The following FAM184B variants were observed in gnomAD, a reference collection of about 807,000 sequenced individuals.
FAM184B encodes the protein protein FAM184B.
A neutral mutation model predicts 135.9 loss-of-function variants in FAM184B; 111 were observed. The ratio of observed to expected loss-of-function variants is 0.82; its 90% CI spans 0.70 to 0.96. The LOEUF is 0.96. Ranked by LOEUF, FAM184B falls within the 40% of genes least tolerant of loss-of-function variation. FAM184B has a pLI of 0.00. For missense variants in FAM184B, 1,375 were observed against 1,323.9 expected (o/e 1.04, Z -0.60); for synonymous variants, 552 against 524.8 (o/e 1.05, Z -0.71).
chr4:17,659,503 T>C (rs1325839490), intron 9 of FAM184B, among the ~76,000 whole-genome samples: 2 of 151,760 alleles, frequency 1.3e-5, no homozygotes, highest in Non-Finnish European at 2.9e-5. Flanking sequence ...TATTTTCTTT[T>C]TGAGACAGAG....
At chr4:17,752,024 G>A (rs2108988740) in intron 1 of FAM184B, among the ~76,000 whole-genome samples, 1 of 151,688 alleles carries the variant, frequency 6.6e-6, no homozygotes, top group East Asian at 1.9e-4. Context: ...CCTACTGAGT[G>A]GCCAGAATCC....
intron 7 of FAM184B, among the ~76,000 whole-genome samples, chr4:17,667,529 C>T (rs1003790243): frequency 6.6e-6 from 1 of 152,226 alleles, no homozygotes; most frequent in Non-Finnish European, 1.5e-5. Context: ...CTTGGGAATC[C>T]ACTGCCCACT....
chr4:17,666,469 C>CTTTTTTGTTTTTTT, intron 7 of FAM184B, among the ~76,000 whole-genome samples: 1 of 57,162 alleles, frequency 1.7e-5, no homozygotes, highest in Non-Finnish European at 2.9e-5. Flanking sequence ...GTGCCTGGTT[C>CTTTTTTGTTTTTTT]TTTTTTTTTT....
At chr4:17,670,989 T>A (rs950981168) in intron 7 of FAM184B, among the ~76,000 whole-genome samples, 1 of 152,178 alleles carries the variant, frequency 6.6e-6, no homozygotes, top group South Asian at 2.1e-4. Context: ...AGAGGAGTAA[T>A]GTCAGCAACA....
At chr4:17,655,426 C>A (rs1715759737) in intron 10 of FAM184B, among the ~76,000 whole-genome samples, 1 of 152,160 alleles carries the variant, frequency 6.6e-6, no homozygotes, top group African/African-American at 2.4e-5. Flanking sequence ...ACACAGGGTG[C>A]AGCACTCAGG....
chr4:17,665,056 C>T (rs1373013892), intron 7 of FAM184B, among the ~76,000 whole-genome samples: 2 of 152,188 alleles, frequency 1.3e-5, no homozygotes, highest in African/African-American at 2.4e-5. Flanking sequence ...TGGTTCCATG[C>T]ATAACCCTCA....
intron 7 of FAM184B, among the ~76,000 whole-genome samples, chr4:17,665,997 CT>C (rs1157138247): frequency 6.6e-6 from 1 of 152,064 alleles, no homozygotes; most frequent in Non-Finnish European, 1.5e-5. Flanking sequence ...GGTTTTACTC[CT>C]CCAAACAACA....
chr4:17,641,535 A>G (rs1184502822), intron 13 of FAM184B, among the ~76,000 whole-genome samples: 19 of 118,038 alleles, frequency 1.6e-4, no homozygotes, highest in Non-Finnish European at 2.7e-4. Flanking sequence ...CTGGAGTGCA[A>G]TGGCGCGATC....
At chr4:17,733,085 C>A (rs1360029497) in intron 1 of FAM184B, among the ~76,000 whole-genome samples, 1 of 152,042 alleles carries the variant, frequency 6.6e-6, no homozygotes, top group African/African-American at 2.4e-5. Flanking sequence ...AAGACAAAAA[C>A]CACATGATTA....
chr4:17,731,566 C>A (rs1214470764), intron 1 of FAM184B, among the ~76,000 whole-genome samples: 1 of 152,058 alleles, frequency 6.6e-6, no homozygotes, highest in East Asian at 1.9e-4. Context: ...CAACAAAGAT[C>A]AAAAGAGACA....
intron 1 of FAM184B, among the ~76,000 whole-genome samples, chr4:17,735,371 T>C (rs1717884101): frequency 6.6e-6 from 1 of 151,962 alleles, no homozygotes; most frequent in Non-Finnish European, 1.5e-5. Context: ...GAAAGTTCGA[T>C]TATAAAAAAA....
chr4:17,686,992 T>C (rs1372306018), intron 7 of FAM184B, among the ~76,000 whole-genome samples: 2 of 152,226 alleles, frequency 1.3e-5, no homozygotes, highest in Non-Finnish European at 2.9e-5. Flanking sequence ...GCTCTATGAC[T>C]GACCAGTTCA....
At position 17,780,701 on chromosome 4, in the gene FAM184B, G is replaced by A. The variant is rs141098329; in HGVS notation, c.141+458C>T. Among the ~76,000 whole-genome samples the A allele has an allele frequency of 2.6e-3, 391 of 152,094 alleles. 3 individuals are homozygous for A. The highest frequency in any genetic ancestry group is 8.7e-3 in the African/African-American group (362 of 41,494). ...CTAGGCTGCATTCCAGGTTTAGTAC[G>A]GTGCCACGCAAGCTGCTGGCACTCA... On this transcript the variant is annotated intron_variant, in intron 1 of 17. Transcript: ENST00000265018.
rs978274661 is a variant in FAM184B, at chr4:17,768,150, T to G, written c.141+13009A>C. 3.3e-5 allele frequency among the ~76,000 whole-genome samples: 5 copies of G among 152,378 alleles called. No homozygotes were observed. In the East Asian group the frequency reaches 9.6e-4, roughly 29 times the overall value. On this transcript the variant is annotated intron_variant, in intron 1 of 17. Transcript: ENST00000265018. ...GTATTTACAGTTTCTTTTTCTTTTTTTCTGTTTTCAAATTATTTCTTCAAA... is the reference window on the plus strand; with the variant it reads ...GTATTTACAGTTTCTTTTTCTTTTTGTCTGTTTTCAAATTATTTCTTCAAA...
chr4:17,639,909 A>G (rs959802611), intron 13 of FAM184B, among the ~76,000 whole-genome samples: 9 of 151,322 alleles, frequency 5.9e-5, no homozygotes, highest in African/African-American at 2.2e-4. Context: ...GCTCACTGCA[A>G]CCTTCACCTC....
Position 17,781,352 on chromosome 4 carries a change from G to A in FAM184B, c.-53C>T. 1 of 1,434,036 alleles carries A rather than the reference G, an allele frequency of 7.0e-7. No individual in the cohort carries two copies. The highest frequency in any genetic ancestry group is 9.2e-7 in the Non-Finnish European group (1 of 1,086,908). The allele number at this position is 1,434,036 out of a possible 1,614,324, so 88.8% of individuals were successfully genotyped here. ...CTCTCGTTTTCTCCCTGCCCACCGT[G>A]TGCACGTGCGTGCGCGCGCGGGCGT... On this transcript the variant is annotated 5_prime_UTR_variant, in exon 1 of 18. Coordinates refer to ENST00000265018, the MANE Select transcript of FAM184B (RefSeq NM_015688.2). The surrounding 1 kb of genome is among the most constrained non-coding windows in gnomAD (Gnocchi z 6.5).
intron 5 of FAM184B, among the ~76,000 whole-genome samples, chr4:17,694,602 A>G (rs2108959265): frequency 6.6e-6 from 1 of 152,296 alleles, no homozygotes; most frequent in African/African-American, 2.4e-5. Context: ...AAGTATCTAG[A>G]GGAGTGAATG....
intron 8 of FAM184B, among the ~76,000 whole-genome samples, chr4:17,663,092 C>T (rs1042909093): frequency 2.0e-5 from 3 of 152,130 alleles, no homozygotes; most frequent in Non-Finnish European, 4.4e-5. Flanking sequence ...TGTGCCACCA[C>T]GCTCAGCTAA....
In FAM184B at chr4:17,630,572, A is replaced by G. The variant is rs550010539; in HGVS notation, c.*1960T>C. Reference sequence around the variant, plus strand: ...TATTGTTTATAAATTATCCAGTATAAGTAAGATATTTTGTTAGAGCAGCCT... The same window carrying G: ...TATTGTTTATAAATTATCCAGTATAGGTAAGATATTTTGTTAGAGCAGCCT... On this transcript the variant is annotated 3_prime_UTR_variant, in exon 18 of 18. Transcript: ENST00000265018. The G allele has an allele frequency of 8.5e-5, 13 of 152,244 alleles. No homozygotes were observed. The East Asian group carries it at 2.3e-3, about 27-fold the overall frequency. The allele number at this position is 152,244 out of a possible 1,614,324, so 9.4% of individuals were successfully genotyped here.
Sources: gnomAD v4.1 joint callset for allele counts (sites outside exome capture counted in the v4.1 genomes callset) on GRCh38, gnomAD v4.1.1 for gene constraint, Gnocchi (gnomAD v3.1) non-coding constraint, MANE v1.5 for transcripts, NCBI Gene and HGNC (gene_info 2026-07-23, HGNC 2026-07-21) for gene names.